Variants in KCNN2 observed in about 807,000 individuals in gnomAD.
KCNN2 encodes small conductance calcium-activated potassium channel protein 2.
In KCNN2, 24 loss-of-function variants were observed where a neutral mutation model predicts 55.5. The ratio of observed to expected loss-of-function variants is 0.43; its 90% confidence interval spans 0.31 to 0.61. The LOEUF is 0.61. Among genes scored for constraint, KCNN2 ranks in the 20% least tolerant of loss-of-function variants. KCNN2 has a pLI of 0.08. For missense variants in KCNN2, 754 were observed against 853.6 expected, an observed-to-expected ratio of 0.88 and a Z score of 1.45; for synonymous variants, 431 against 336.1, an observed-to-expected ratio of 1.28 and a Z score of -3.09.
chr5:114,388,819 T>A (rs567456678), intron 2 of KCNN2, among the ~76,000 whole-genome samples: 10 of 152,252 alleles, frequency 6.6e-5, no homozygotes, highest in Non-Finnish European at 1.3e-4. Context: ...CAGTTTTTTT[T>A]ATTTTAACAA....
chr5:114,264,710 A>T (rs1390234597), intron 2 of KCNN2, among the ~76,000 whole-genome samples: 2 of 152,202 alleles, frequency 1.3e-5, no homozygotes, highest in African/African-American at 4.8e-5. Flanking sequence ...GTAGGCCTGG[A>T]ATTGAGACCT....
At chr5:114,145,188 T>C (rs1752373211) in intron 1 of KCNN2, among the ~76,000 whole-genome samples, 2 of 152,340 alleles carry the variant, frequency 1.3e-5, no homozygotes, top group South Asian at 4.1e-4. Context: ...GGGAGGGTTG[T>C]CACTACTTTT....
intron 1 of KCNN2, among the ~76,000 whole-genome samples, chr5:114,144,306 A>G (rs1390182314): frequency 1.3e-5 from 2 of 152,116 alleles, no homozygotes; most frequent in Admixed American, 1.3e-4. Context: ...TAGATCATTA[A>G]TTTGGCCAAT....
intron 5 of KCNN2, chr5:114,486,725 T>G: frequency 7.7e-7 from 1 of 1,293,012 alleles, no homozygotes; most frequent in Non-Finnish European, 1.0e-6. Flanking sequence ...AGACAACAAT[T>G]GCAATACACG....
intron 1 of KCNN2, among the ~76,000 whole-genome samples, chr5:114,209,441 C>T (rs551465900): frequency 3.6e-4 from 54 of 152,078 alleles, no homozygotes; most frequent in Admixed American, 9.2e-4. Context: ...ATTGTGAAAT[C>T]CGTGGACCCT....
chr5:114,112,830 T>C (rs1263346462), intron 1 of KCNN2, among the ~76,000 whole-genome samples: 1 of 152,100 alleles, frequency 6.6e-6, no homozygotes, highest in Non-Finnish European at 1.5e-5. Flanking sequence ...AGTGAGGGCA[T>C]ATTACTTCAA....
intron 1 of KCNN2, among the ~76,000 whole-genome samples, chr5:114,142,727 A>C (rs925146476): frequency 1.3e-5 from 2 of 152,218 alleles, no homozygotes; most frequent in African/African-American, 4.8e-5. Flanking sequence ...GACACAAACA[A>C]ATGGAAGAGC....
chr5:114,205,047 A>G (rs894380593), intron 1 of KCNN2, among the ~76,000 whole-genome samples: 7 of 151,012 alleles, frequency 4.6e-5, no homozygotes, highest in Admixed American at 3.3e-4. Flanking sequence ...AATGAAGGCA[A>G]AAGCTTTGGG....
At chr5:114,306,036 G>A (rs1756262565) in intron 2 of KCNN2, among the ~76,000 whole-genome samples, 2 of 152,102 alleles carry the variant, frequency 1.3e-5, no homozygotes, top group African/African-American at 4.8e-5. Flanking sequence ...ATATTCTTTG[G>A]TATGTCAAGG....
intron 1 of KCNN2, among the ~76,000 whole-genome samples, chr5:114,157,468 A>G (rs76004579): frequency 2.6e-5 from 4 of 152,018 alleles, no homozygotes; most frequent in Admixed American, 6.6e-5. Flanking sequence ...ATAAACATAC[A>G]TGTGCATGTG....
intron 1 of KCNN2, among the ~76,000 whole-genome samples, chr5:114,111,344 A>G (rs1461902974): frequency 6.6e-6 from 1 of 152,244 alleles, no homozygotes; most frequent in Non-Finnish European, 1.5e-5. Context: ...GATAGATTAA[A>G]GACTTCAATG....
At chr5:114,238,533 G>T (rs1754553923) in intron 2 of KCNN2, among the ~76,000 whole-genome samples, 1 of 151,878 alleles carries the variant, frequency 6.6e-6, no homozygotes, top group Non-Finnish European at 1.5e-5. Flanking sequence ...GACTGAGGCA[G>T]GAGAATCGCT....
chr5:114,197,929 T>C (rs1753592309), intron 1 of KCNN2, among the ~76,000 whole-genome samples: 1 of 152,174 alleles, frequency 6.6e-6, no homozygotes, highest in Non-Finnish European at 1.5e-5. Flanking sequence ...ATTTGCTGTA[T>C]GCATTTAGGA....
At chr5:114,221,770 A>G (rs952074452) in intron 2 of KCNN2, among the ~76,000 whole-genome samples, 5 of 152,194 alleles carry the variant, frequency 3.3e-5, no homozygotes, top group African/African-American at 1.2e-4. Flanking sequence ...CATTAAGAAA[A>G]CATAATAGGC....
intron 2 of KCNN2, among the ~76,000 whole-genome samples, chr5:114,259,565 C>T (rs1371746437): frequency 6.6e-6 from 1 of 152,094 alleles, no homozygotes; most frequent in South Asian, 2.1e-4. Flanking sequence ...CACATGTATA[C>T]ATATGTAACT....
intron 2 of KCNN2, among the ~76,000 whole-genome samples, chr5:114,238,275 A>G (rs1754546639): frequency 6.6e-6 from 1 of 152,212 alleles, no homozygotes; most frequent in African/African-American, 2.4e-5. Flanking sequence ...GAAAATATAC[A>G]CTATTTCCAT....
intron 1 of KCNN2, among the ~76,000 whole-genome samples, chr5:114,196,643 G>C (rs1418456467): frequency 6.6e-6 from 1 of 151,932 alleles, no homozygotes. Context: ...TTGGTATATA[G>C]TTATTCATAG....
chr5:114,188,357 A>T (rs1580602085), intron 1 of KCNN2, among the ~76,000 whole-genome samples: 2 of 152,190 alleles, frequency 1.3e-5, no homozygotes, highest in East Asian at 3.9e-4. Context: ...CTCATTGCAT[A>T]GTTCCAAGGG....
intron 3 of KCNN2, among the ~76,000 whole-genome samples, chr5:114,413,414 A>C (rs545163483): frequency 6.6e-6 from 1 of 152,258 alleles, no homozygotes; most frequent in East Asian, 1.9e-4. Context: ...CCTCCCAAGT[A>C]GCTGGGACTA....
Sources: gnomAD v4.1 joint callset for allele counts (sites outside exome capture counted in the v4.1 genomes callset) on GRCh38, gnomAD v4.1.1 for gene constraint, MANE v1.5 for transcripts, NCBI Gene and HGNC (gene_info 2026-07-23, HGNC 2026-07-21) for gene names.